Variants in GINS2 observed in about 807,000 individuals in gnomAD.
GINS2 encodes GINS complex subunit 2, also known as DNA replication complex GINS protein PSF2.
A neutral mutation model predicts 21.2 loss-of-function variants in GINS2; 23 were observed. The observed-to-expected ratio is 1.08, with a 90% CI of 0.78 to 1.53. GINS2 has a LOEUF of 1.53. Among genes scored for constraint, GINS2 ranks in the 40% most tolerant of loss-of-function variants. GINS2 has a pLI of 0.00. For missense variants in GINS2, 323 were observed against 233.9 expected (o/e 1.38, Z -2.49); for synonymous variants, 118 against 85.6 (o/e 1.38, Z -2.09).
At chr16:85,687,714 A>G (rs2053789823) in intron 1 of GINS2, 140 bp from the exon 2 acceptor site, 2 of 555,224 alleles carry the variant, frequency 3.6e-6, no homozygotes, top group South Asian at 2.6e-5. Context: ...AACTGTTACC[A>G]GACTCAGAAC....
chr16:85,684,524 A>G (rs2053759297), intron 2 of GINS2, among the ~76,000 whole-genome samples: 1 of 152,048 alleles, frequency 6.6e-6, no homozygotes, highest in Non-Finnish European at 1.5e-5. Context: ...TGTTAAAGCC[A>G]AAAAGGGGAA....
chr16:85,687,679 G>T, intron 1 of GINS2, 105 bp from the exon 2 acceptor site: 1 of 625,062 alleles, frequency 1.6e-6, no homozygotes, highest in Non-Finnish European at 2.7e-6. Context: ...AGAGGCTGAA[G>T]TCCAAATGCA....
At chr16:85,680,474 C>T (rs965642574) in intron 3 of GINS2, among the ~76,000 whole-genome samples, 1 of 152,136 alleles carries the variant, frequency 6.6e-6, no homozygotes, top group Middle Eastern at 3.2e-3. Flanking sequence ...TAAGTATCTC[C>T]CAAGCAAAAT....
At chr16:85,678,803 A>T in intron 3 of GINS2, 137 bp from the exon 4 acceptor site, 1 of 816,910 alleles carries the variant, frequency 1.2e-6, no homozygotes, top group South Asian at 1.7e-5. Context: ...TTTCAACTTT[A>T]GGGTGTAAAG....
In GINS2 at chr16:85,678,158, A is replaced by G. The variant is rs2053699112; in HGVS notation, c.*54T>C. 4 of 1,567,404 alleles carry G rather than the reference A, an allele frequency of 2.6e-6. No homozygotes were observed. The Admixed American group carries it at 7.0e-5, about 27-fold the overall frequency. The stretch of plus-strand genomic sequence containing the variant: ...AGAGCTCCAGAACCACGAGTACCTC[A>G]TCACGTCCTGAGCGCTCACATCCCC... On this transcript the variant is annotated 3_prime_UTR_variant, in exon 5 of 5. Coordinates refer to ENST00000253462, the MANE Select transcript of GINS2 (RefSeq NM_016095.3).
At chr16:85,685,297 C>T (rs948669638) in intron 2 of GINS2, among the ~76,000 whole-genome samples, 5 of 152,092 alleles carry the variant, frequency 3.3e-5, no homozygotes, top group Non-Finnish European at 1.5e-5. Context: ...CTAGATGGGA[C>T]AAAAGTGCCA....
At chr16:85,687,389 C>G in intron 2 of GINS2, 71 bp downstream of exon 2, 1 of 832,210 alleles carries the variant, frequency 1.2e-6, no homozygotes, top group Non-Finnish European at 1.9e-6. Context: ...CATGCCTCCA[C>G]CCCGTGGGAG....
At chr16:85,686,118 G>A (rs1388970246) in intron 2 of GINS2, among the ~76,000 whole-genome samples, 1 of 152,018 alleles carries the variant, frequency 6.6e-6, no homozygotes, top group South Asian at 2.1e-4. Context: ...GTTTTTTCTA[G>A]CAGCTTTATT....
intron 2 of GINS2, among the ~76,000 whole-genome samples, chr16:85,685,832 T>A (rs1056937253): frequency 6.6e-6 from 1 of 151,710 alleles, no homozygotes. Flanking sequence ...CTCAATGAGC[T>A]CTTGCTTCTA....
intron 2 of GINS2, 56 bp downstream of exon 2, chr16:85,687,404 C>A: frequency 2.0e-6 from 2 of 1,010,534 alleles, no homozygotes; most frequent in East Asian, 2.7e-5. Flanking sequence ...TGGGAGAGGG[C>A]GTCACCCCAA....
Position 85,687,487 on chromosome 16 carries a change from G to A in GINS2, c.178C>T (p.Leu60=), listed in dbSNP as rs2053787538. 1 of 1,589,122 alleles carries A rather than the reference G, an allele frequency of 6.3e-7. No homozygotes were observed. Among genetic ancestry groups the A allele is most frequent in the Non-Finnish European group, 8.5e-7 (1 of 1,169,608 alleles). The change falls in exon 2 of 5, where the codon CTG becomes TTG. Residue 60 remains leucine (L), a synonymous_variant. Coordinates refer to ENST00000253462, the MANE Select transcript of GINS2 (RefSeq NM_016095.3). ...INLKQRQKCR[L]LPPEWMDVEK... ...ACATCCATCCACTCTGGAGGGAGCA[G>A]GCGACATTTCTGTCTTTGTTTCAGG...
In GINS2 at chr16:85,676,768, C is replaced by G. The variant is rs1228936488; in HGVS notation, c.*1444G>C. The G allele has an allele frequency of 6.6e-6, 1 of 152,184 alleles. No homozygotes were observed. The highest frequency in any genetic ancestry group is 1.5e-5 in the Non-Finnish European group (1 of 68,046). 9.4% of individuals were successfully genotyped at this position (152,184 alleles called of 1,614,324 possible). ...GCTTTGGGAGGCTGTGGTGGGAGAACTGTGTGAACCCAGGAGTTCGAGGCT... is the reference window on the plus strand; with the variant it reads ...GCTTTGGGAGGCTGTGGTGGGAGAAGTGTGTGAACCCAGGAGTTCGAGGCT... On this transcript the variant is annotated 3_prime_UTR_variant, in exon 5 of 5. Transcript: ENST00000253462.
At chr16:85,679,913 T>C (rs1419889965) in intron 3 of GINS2, among the ~76,000 whole-genome samples, 1 of 152,054 alleles carries the variant, frequency 6.6e-6, no homozygotes, top group East Asian at 1.9e-4. Flanking sequence ...GTACTACACA[T>C]CCTCAAATAT....
intron 3 of GINS2, among the ~76,000 whole-genome samples, chr16:85,679,886 C>G (rs776488734): frequency 8.5e-5 from 13 of 152,188 alleles, no homozygotes; most frequent in Non-Finnish European, 1.5e-4. Context: ...TGCCTCCATT[C>G]CTCTGCTCCC....
At position 85,678,150 on chromosome 16, in the gene GINS2, A is replaced by G. The variant is rs1006591982; in HGVS notation, c.*62T>C. 2 of 1,502,592 alleles carry G rather than the reference A, an allele frequency of 1.3e-6. No homozygotes were observed. Among genetic ancestry groups the G allele is most frequent in the Non-Finnish European group, 1.8e-6 (2 of 1,091,972 alleles). The allele number at this position is 1,502,592 out of a possible 1,614,324, so 93.1% of individuals were successfully genotyped here. A position where few individuals can be genotyped will look rare whatever the true frequency, so the allele number is the denominator to read the frequency against. On this transcript the variant is annotated 3_prime_UTR_variant, in exon 5 of 5. Coordinates refer to ENST00000253462, the MANE Select transcript of GINS2 (RefSeq NM_016095.3). ...GTGTTTCTAGAGCTCCAGAACCACG[A>G]GTACCTCATCACGTCCTGAGCGCTC...
rs56847154 is a variant in GINS2, at chr16:85,682,021, C to CTTTTTTTTTTTTT, written c.206-353_206-341dup. ...CAGCAAAGTGATTTACCTTTACCGC[C>CTTTTTTTTTTTTT]TTTTTTTTTTTTTTTTTTTTTTTTT... On this transcript the variant is annotated intron_variant, in intron 2 of 4. Transcript: ENST00000253462. Among the ~76,000 whole-genome samples the CTTTTTTTTTTTTT allele has an allele frequency of 4.1e-5, 3 of 73,336 alleles. 1 individual carries two copies. Among genetic ancestry groups the CTTTTTTTTTTTTT allele is most frequent in the African/African-American group, 1.8e-4 (3 of 17,084 alleles). 48.1% of individuals were successfully genotyped at this position (73,336 alleles called of 152,430 possible).
chr16:85,683,876 CAT>C (rs2053753904), intron 2 of GINS2, among the ~76,000 whole-genome samples: 1 of 152,194 alleles, frequency 6.6e-6, no homozygotes, highest in South Asian at 2.1e-4. Flanking sequence ...AATGGGAACT[CAT>C]ATTTCTTGTA....
At chr16:85,681,756 T>C in intron 2 of GINS2, 75 bp from the exon 3 acceptor site, 3 of 882,766 alleles carry the variant, frequency 3.4e-6, no homozygotes, top group Non-Finnish European at 5.5e-6. Context: ...ATTTACCAAG[T>C]GCCTATATTA....
rs908938252 is a variant in GINS2 at position 85,688,953 on chromosome 16, C to G, written c.-55G>C. Reference sequence around the variant, plus strand: ...CGGTCTCCTCGGGCCCCTCAGCGTCCCGGAGGAGACGCCGCGGCCGCCGTT... The same window carrying G: ...CGGTCTCCTCGGGCCCCTCAGCGTCGCGGAGGAGACGCCGCGGCCGCCGTT... On this transcript the variant is annotated 5_prime_UTR_variant, in exon 1 of 5. Coordinates refer to ENST00000253462, the MANE Select transcript of GINS2 (RefSeq NM_016095.3). 1.6e-6 allele frequency: 2 copies of G among 1,265,840 alleles called. No individual in the cohort carries two copies. Among genetic ancestry groups the G allele is most frequent in the South Asian group, 2.8e-5 (2 of 72,274 alleles). The allele number at this position is 1,265,840 out of a possible 1,614,324, so 78.4% of individuals were successfully genotyped here.
Sources: gnomAD v4.1 joint callset for allele counts (sites outside exome capture counted in the v4.1 genomes callset) on GRCh38, gnomAD v4.1.1 for gene constraint, MANE v1.5 for transcripts, NCBI Gene and HGNC (gene_info 2026-07-23, HGNC 2026-07-21) for gene names.